The following INSYN2B variants were observed in gnomAD, a reference collection of about 807,000 sequenced individuals.
INSYN2B encodes the protein protein INSYN2B.
In INSYN2B, 16 loss-of-function variants were observed where a neutral mutation model predicts 41.2. The ratio of observed to expected loss-of-function variants is 0.39; its 90% CI spans 0.26 to 0.59. INSYN2B has a LOEUF of 0.59. Ranked by LOEUF, INSYN2B falls within the 20% of genes least tolerant of loss-of-function variation. INSYN2B has a pLI of 0.57. For missense variants in INSYN2B, 608 were observed against 646.4 expected, an observed-to-expected ratio of 0.94 and a Z score of 0.64; for synonymous variants, 245 against 244.4, an observed-to-expected ratio of 1.00 and a Z score of -0.02.
At position 169,884,478 on chromosome 5, in the gene INSYN2B, A is replaced by G. The variant is rs1055051845; in HGVS notation, c.-580T>C. 1 of 152,256 alleles carries G rather than the reference A, an allele frequency of 6.6e-6. No individual in the cohort carries two copies. Among genetic ancestry groups the G allele is most frequent in the South Asian group, 2.1e-4 (1 of 4,838 alleles). The allele number at this position is 152,256 out of a possible 1,614,324, so 9.4% of individuals were successfully genotyped here. A position where few individuals can be genotyped will look rare whatever the true frequency, so the allele number is the denominator to read the frequency against. On this transcript the variant is annotated 5_prime_UTR_variant, in exon 2 of 4. Coordinates refer to ENST00000377365, the MANE Select transcript of INSYN2B (RefSeq NM_001129891.3). ...GACCTGGAGGTTTGCTTGTTTGATGATACATGATGCTCCCAAGGGAACATT... is the reference window on the plus strand; with the variant it reads ...GACCTGGAGGTTTGCTTGTTTGATGGTACATGATGCTCCCAAGGGAACATT...
At chr5:169,885,094 G>T in intron 1 of INSYN2B, among the ~76,000 whole-genome samples, 1 of 152,234 alleles carries the variant, frequency 6.6e-6, no homozygotes, top group South Asian at 2.1e-4. Flanking sequence ...AATTTCTCAG[G>T]CAGCCTTTAC....
At chr5:169,905,844 A>G (rs189845750) in intron 1 of INSYN2B, among the ~76,000 whole-genome samples, 13 of 152,372 alleles carry the variant, frequency 8.5e-5, no homozygotes, top group Non-Finnish European at 1.5e-4. Context: ...TGTAGCAGCC[A>G]GGAAGATTTA....
chr5:169,978,393 G>GC (rs1554123457), intron 1 of INSYN2B, among the ~76,000 whole-genome samples: 1 of 43,886 alleles, frequency 2.3e-5, no homozygotes, highest in Non-Finnish European at 4.4e-5. Flanking sequence ...GTGTGTGTGT[G>GC]GGGGGGGGGG....
At chr5:169,954,267 G>A (rs1309361367) in intron 1 of INSYN2B, among the ~76,000 whole-genome samples, 1 of 152,154 alleles carries the variant, frequency 6.6e-6, no homozygotes, top group South Asian at 2.1e-4. Flanking sequence ...AAATCCTTTC[G>A]AAGTGAGTGA....
At chr5:169,887,660 G>A (rs1382918976) in intron 1 of INSYN2B, among the ~76,000 whole-genome samples, 1 of 152,114 alleles carries the variant, frequency 6.6e-6, no homozygotes, top group African/African-American at 2.4e-5. Context: ...TAAATATTTG[G>A]TATTATTTAA....
intron 3 of INSYN2B, among the ~76,000 whole-genome samples, chr5:169,878,855 A>G (rs1034566341): frequency 1.2e-4 from 19 of 152,196 alleles, no homozygotes; most frequent in African/African-American, 4.6e-4. Flanking sequence ...ACAGTAGTCA[A>G]AACCAAAGGA....
At position 169,934,881 on chromosome 5, in the gene INSYN2B, C is replaced by A. The variant is rs547798083; in HGVS notation, c.-919+45396G>T. The A allele has an allele frequency of 1.1e-5, 4 of 360,374 alleles. No individual in the cohort carries two copies. In the East Asian group the frequency reaches 2.3e-4, roughly 20 times the overall value. 22.3% of individuals were successfully genotyped at this position (360,374 alleles called of 1,614,324 possible). ...TACATTGCCAAAACAACTTTAACCACCTTACACTTGATATTTATTCTGATT... is the reference window on the plus strand; with the variant it reads ...TACATTGCCAAAACAACTTTAACCAACTTACACTTGATATTTATTCTGATT... On this transcript the variant is annotated intron_variant, in intron 1 of 3. Transcript: ENST00000377365.
At chr5:169,930,938 T>G (rs1381245796) in intron 1 of INSYN2B, among the ~76,000 whole-genome samples, 1 of 152,204 alleles carries the variant, frequency 6.6e-6, no homozygotes, top group African/African-American at 2.4e-5. Flanking sequence ...CCTCATCACA[T>G]GTCATGGGCC....
intron 1 of INSYN2B, among the ~76,000 whole-genome samples, chr5:169,959,914 A>G (rs1777016478): frequency 6.6e-6 from 1 of 152,214 alleles, no homozygotes; most frequent in African/African-American, 2.4e-5. Context: ...AGCCTGCAAT[A>G]TTTGGAAGGG....
At position 169,898,271 on chromosome 5, in the gene INSYN2B, G is replaced by A. The variant is rs923089481; in HGVS notation, c.-918-13455C>T. Among the ~76,000 whole-genome samples the A allele has an allele frequency of 1.5e-4, 23 of 152,176 alleles. No individual in the cohort carries two copies. In the South Asian group the frequency reaches 2.7e-3, roughly 18 times the overall value. ...CTGCCATGGTCTCCTTTCTCATGGG[G>A]GCTCCGCTTGGGAAGGGCCATATAT... On this transcript the variant is annotated intron_variant, in intron 1 of 3. Transcript: ENST00000377365.
At chr5:169,877,300 T>G (rs1330407999) in intron 3 of INSYN2B, among the ~76,000 whole-genome samples, 2 of 152,172 alleles carry the variant, frequency 1.3e-5, no homozygotes, top group Non-Finnish European at 2.9e-5. Context: ...CAGGTGCAAG[T>G]TAGCAATCTG....
chr5:169,964,804 A>G, intron 1 of INSYN2B, among the ~76,000 whole-genome samples: 1 of 152,224 alleles, frequency 6.6e-6, no homozygotes, highest in Non-Finnish European at 1.5e-5. Context: ...GGTGTATAAT[A>G]ATGGCATCTA....
At chr5:169,889,668 C>T (rs1773173561) in intron 1 of INSYN2B, among the ~76,000 whole-genome samples, 1 of 152,230 alleles carries the variant, frequency 6.6e-6, no homozygotes, top group Admixed American at 6.5e-5. Context: ...ATATTTCCAT[C>T]TTTGCTGGCC....
rs149405983 is a variant in INSYN2B, at chr5:169,865,044, G to A, written c.1422-585C>T. On this transcript the variant is annotated intron_variant, in intron 3 of 3. Coordinates refer to ENST00000377365, the MANE Select transcript of INSYN2B (RefSeq NM_001129891.3). The stretch of plus-strand genomic sequence containing the variant: ...AACATAATTTCTACCAATATATTAC[G>A]TCTTGCTCTTTGAATTGCATCTCAA... 1.3e-4 allele frequency among the ~76,000 whole-genome samples: 20 copies of A among 152,184 alleles called. No individual in the cohort carries two copies. In the East Asian group the frequency reaches 3.5e-3, roughly 26 times the overall value.
At chr5:169,969,836 A>AGG (rs1777436237) in intron 1 of INSYN2B, among the ~76,000 whole-genome samples, 1 of 152,266 alleles carries the variant, frequency 6.6e-6, no homozygotes, top group South Asian at 2.1e-4. Flanking sequence ...TGCTCTCTTC[A>AGG]GGGGGCAGCT....
chr5:169,866,848 G>C (rs982810556), intron 3 of INSYN2B, among the ~76,000 whole-genome samples: 5 of 152,186 alleles, frequency 3.3e-5, no homozygotes, highest in Non-Finnish European at 7.3e-5. Flanking sequence ...CCAAATGTGT[G>C]GGAGTTTCTC....
chr5:169,883,660 G>A lies in INSYN2B; in HGVS notation c.239C>T (p.Ser80Leu), dbSNP rs534161129. ...CTTCTGGGACCTGGGGAAGGAGAGC[G>A]AGTAGGTGGGGGGAAGATGGTGCCT... ...ATRHHLPPTY[S>L]LSFPRSQKAG... is the part of the protein sequence containing the mutation. Residue 80 changes from serine to leucine, a missense_variant, in exon 2 of 4, where the codon TCG (serine) becomes TTG (leucine). Coordinates refer to ENST00000377365, the MANE Select transcript of INSYN2B (RefSeq NM_001129891.3). 60 of 1,551,074 alleles carry A rather than the reference G, an allele frequency of 3.9e-5. No individual in the cohort carries two copies. The South Asian group carries it at 4.4e-4, about 11-fold the overall frequency.
intron 1 of INSYN2B, among the ~76,000 whole-genome samples, chr5:169,886,601 A>G (rs532458643): frequency 6.6e-6 from 1 of 152,330 alleles, no homozygotes; most frequent in African/African-American, 2.4e-5. Context: ...GTTAAATGCT[A>G]TGTTAGCACC....
intron 3 of INSYN2B, among the ~76,000 whole-genome samples, chr5:169,871,174 A>G (rs1177172208): frequency 6.6e-6 from 1 of 152,184 alleles, no homozygotes; most frequent in Non-Finnish European, 1.5e-5. Flanking sequence ...GGCATTAGGA[A>G]TTAATCTGAA....
Sources: allele counts gnomAD v4.1 joint callset (sites outside exome capture counted in the v4.1 genomes callset), GRCh38; gene constraint gnomAD v4.1.1; transcripts MANE v1.5; gene names NCBI Gene and HGNC (gene_info 2026-07-23, HGNC 2026-07-21).